Variants in EIF2B3 observed in about 807,000 individuals in gnomAD.
EIF2B3 encodes the protein translation initiation factor eIF2B subunit gamma.
In EIF2B3, 20 loss-of-function variants were observed where a neutral mutation model predicts 54.1. That is an observed-to-expected ratio of 0.37 (90% confidence interval 0.26 to 0.54). EIF2B3 has a LOEUF of 0.54. EIF2B3 is among the 20% of genes least tolerant of loss of function. The pLI is 0.86. For synonymous variants in EIF2B3, 153 were observed against 188.1 expected, an observed-to-expected ratio of 0.81 and a Z score of 1.52; for missense variants, 448 against 547.8, an observed-to-expected ratio of 0.82 and a Z score of 1.82.
At chr1:44,958,049 C>G (rs1408042836) in intron 3 of EIF2B3, among the ~76,000 whole-genome samples, 1 of 152,162 alleles carries the variant, frequency 6.6e-6, no homozygotes, top group African/African-American at 2.4e-5. Flanking sequence ...TACCTAAAAA[C>G]CCAACCATAG....
rs368925236 is a variant in EIF2B3 at position 44,947,865 on chromosome 1, T to TTTTTC, written c.295-6205_295-6201dup. ...AAATCCCCAAGAGTAGTTTGTGTGC[T>TTTTTC]TTTTCTTTTCTTTTCTTTTTTTTTA... On this transcript the variant is annotated intron_variant, in intron 3 of 11. Coordinates refer to ENST00000360403, the MANE Select transcript of EIF2B3 (RefSeq NM_020365.5). Among the ~76,000 whole-genome samples the TTTTTC allele has an allele frequency of 6.7e-3, 1,014 of 152,242 alleles. 11 individuals are homozygous for TTTTTC. The highest frequency in any genetic ancestry group is 0.023 in the African/African-American group (962 of 41,530).
At chr1:44,953,656 G>T (rs1301095152) in intron 3 of EIF2B3, among the ~76,000 whole-genome samples, 2 of 152,086 alleles carry the variant, frequency 1.3e-5, no homozygotes, top group Non-Finnish European at 2.9e-5. Context: ...AGCCAGGTGT[G>T]GTGGTGTGTG....
At chr1:44,856,182 A>G (rs971941026) in intron 11 of EIF2B3, among the ~76,000 whole-genome samples, 1 of 152,138 alleles carries the variant, frequency 6.6e-6, no homozygotes, top group African/African-American at 2.4e-5. Flanking sequence ...AATTCTCACA[A>G]TTCTCCAAGG....
intron 1 of EIF2B3, among the ~76,000 whole-genome samples, chr1:44,982,537 A>T (rs1644525908): frequency 6.6e-6 from 1 of 152,102 alleles, no homozygotes; most frequent in Non-Finnish European, 1.5e-5. Flanking sequence ...ACCTCAGGTG[A>T]TCCACCGGAG....
chr1:44,876,637 CG>C (rs1655167010), intron 8 of EIF2B3, among the ~76,000 whole-genome samples: 1 of 93,442 alleles, frequency 1.1e-5, no homozygotes, highest in Non-Finnish European at 2.0e-5. Context: ...TCTGCCTGGC[CG>C]CCCCTACTGG....
At chr1:44,898,836 A>G (rs111304669) in intron 5 of EIF2B3, among the ~76,000 whole-genome samples, 1,555 of 152,188 alleles carry the variant, frequency 0.01, 17 homozygotes, top group African/African-American at 0.035. Flanking sequence ...CACTGCAGGC[A>G]TGCATCACTA....
At chr1:44,969,820 C>A (rs399628) in intron 3 of EIF2B3, among the ~76,000 whole-genome samples, 71,835 of 151,670 alleles carry the variant, frequency 0.47, 17,722 homozygotes, top group African/African-American at 0.61. Flanking sequence ...TATCATTATT[C>A]TTATTAGTTG....
At chr1:44,896,257 C>G (rs904280649) in intron 6 of EIF2B3, among the ~76,000 whole-genome samples, 3 of 152,118 alleles carry the variant, frequency 2.0e-5, no homozygotes, top group Non-Finnish European at 2.9e-5. Flanking sequence ...GCAACTGTGT[C>G]CTTGGTAGGG....
chr1:44,895,000 G>A (rs1337364973), intron 6 of EIF2B3, among the ~76,000 whole-genome samples: 1 of 152,114 alleles, frequency 6.6e-6, no homozygotes, highest in African/African-American at 2.4e-5. Flanking sequence ...TGTCCCTCAA[G>A]TAACATTCTA....
chr1:44,875,756 C>T (rs891892668), intron 8 of EIF2B3, 61 bp from the exon 9 acceptor site: 8 of 1,333,256 alleles, frequency 6.0e-6, no homozygotes, highest in Middle Eastern at 3.6e-4. Flanking sequence ...TCTCCCTCTC[C>T]CTCTCCCTCT....
At chr1:44,853,517 G>A (rs188721074) in intron 11 of EIF2B3, among the ~76,000 whole-genome samples, 111 of 152,214 alleles carry the variant, frequency 7.3e-4, no homozygotes, top group African/African-American at 2.6e-3. Context: ...CAGGGAGGGA[G>A]GTCGCTTGAG....
In EIF2B3 at chr1:44,879,824, G is replaced by C; in HGVS notation, c.969C>G (p.Asn323Lys). Residue 323 changes from asparagine (N) to lysine (K), a missense_variant, in exon 8 of 12, where the codon AAC becomes AAG. Around this residue, in one of 3 missense-constraint regions of EIF2B3, gnomAD observed 350 missense variants for 414.2 expected, o/e 0.85. Coordinates refer to ENST00000360403, the MANE Select transcript of EIF2B3 (RefSeq NM_020365.5). ...TTCTAACTCATGCTCTCACCTGTCT[G>C]TTTGCTTCCATGTAGAGTCCCAGTG... ...VSTLGLYMEA[N>K]RQVPKLLSAL... The C allele has an allele frequency of 6.2e-7, 1 of 1,613,784 alleles. No individual in the cohort carries two copies. Among genetic ancestry groups the C allele is most frequent in the Non-Finnish European group, 8.5e-7 (1 of 1,180,008 alleles).
At chr1:44,946,351 G>A (rs1182356438) in intron 3 of EIF2B3, among the ~76,000 whole-genome samples, 1 of 152,030 alleles carries the variant, frequency 6.6e-6, no homozygotes, top group Non-Finnish European at 1.5e-5. Context: ...CACTTCCAAA[G>A]GAAAGTGTTT....
intron 1 of EIF2B3, among the ~76,000 whole-genome samples, chr1:44,984,120 A>G (rs2148967515): frequency 6.6e-6 from 1 of 152,252 alleles, no homozygotes; most frequent in Non-Finnish European, 1.5e-5. Context: ...CAGCAGCTGC[A>G]GTGAGCTGAG....
intron 8 of EIF2B3, among the ~76,000 whole-genome samples, chr1:44,876,632 C>T (rs1655166543): frequency 1.1e-5 from 1 of 91,548 alleles, no homozygotes; most frequent in Non-Finnish European, 2.1e-5. Flanking sequence ...GCGCTTCTGC[C>T]TGGCCGCCCC....
intron 10 of EIF2B3, among the ~76,000 whole-genome samples, chr1:44,862,758 C>T (rs146416307): frequency 8.5e-5 from 13 of 152,200 alleles, no homozygotes; most frequent in African/African-American, 2.9e-4. Flanking sequence ...CCATCATGCC[C>T]GGCTAATTTT....
chr1:44,893,324 C>G lies in EIF2B3; in HGVS notation c.656+4031G>C, dbSNP rs533954204. Among the ~76,000 whole-genome samples the G allele has an allele frequency of 1.7e-4, 26 of 152,278 alleles. 1 individual carries two copies. The South Asian group carries it at 5.0e-3, about 29-fold the overall frequency. On this transcript the variant is annotated intron_variant, in intron 6 of 11. Transcript: ENST00000360403. ...CAACTCTTGACTTCACTTTGTGGGT[C>G]CTATCCTTATTTCTCTGTATCCTGA...
intron 3 of EIF2B3, among the ~76,000 whole-genome samples, chr1:44,950,691 A>T (rs1430088326): frequency 1.3e-5 from 2 of 152,046 alleles, no homozygotes; most frequent in East Asian, 3.9e-4. Flanking sequence ...GTGTTTATTT[A>T]TTTATTTATT....
chr1:44,937,782 G>A (rs1376385496), intron 4 of EIF2B3, among the ~76,000 whole-genome samples: 1 of 150,954 alleles, frequency 6.6e-6, no homozygotes, highest in Non-Finnish European at 1.5e-5. Flanking sequence ...TACGCGGGAG[G>A]CTGAGGCAGG....
Sources: gnomAD v4.1 joint callset for allele counts (sites outside exome capture counted in the v4.1 genomes callset) on GRCh38, gnomAD v4.1.1 for gene constraint, gnomAD v4.1.1 regional missense constraint, MANE v1.5 for transcripts, NCBI Gene and HGNC (gene_info 2026-07-23, HGNC 2026-07-21) for gene names.